TEAD4: variants seen among roughly 807,000 people sequenced by gnomAD.
TEAD4 encodes the protein transcriptional enhancer factor TEF-3.
A neutral mutation model predicts 52.4 loss-of-function variants in TEAD4; 36 were observed. That is an observed-to-expected ratio of 0.69 (90% CI 0.53 to 0.91). The LOEUF is 0.91. Among genes scored for constraint, TEAD4 ranks in the 40% least tolerant of loss-of-function variants. The pLI is 0.00. For synonymous variants in TEAD4, 220 were observed against 231.0 expected (o/e 0.95, Z 0.43); for missense variants, 508 against 583.9 (o/e 0.87, Z 1.34).
intron 2 of TEAD4, among the ~76,000 whole-genome samples, chr12:2,963,025 A>G (rs571717155): frequency 6.6e-6 from 1 of 152,278 alleles, no homozygotes. Context: ...GGAGGCAGAA[A>G]TACTCTGCTC....
chr12:2,965,810 C>T (rs570034050), intron 2 of TEAD4, among the ~76,000 whole-genome samples: 1 of 152,268 alleles, frequency 6.6e-6, no homozygotes, highest in East Asian at 1.9e-4. Context: ...TCCCAAAGTG[C>T]TGGGATTACA....
At position 3,040,162 on chromosome 12, in the gene TEAD4, C is replaced by A. The variant is rs1396026469; in HGVS notation, c.1094C>A (p.Pro365Gln). Residue 365 changes from proline (P) to glutamine (Q), a missense_variant, in exon 12 of 13, where the codon CCG becomes CAG. Pro to Gln is a moderately conservative substitution (Grantham distance 76). Transcript: ENST00000359864. Reference sequence around the variant, plus strand: ...TACTCTTACCGCATCCACCGGTCCCCGCTCTGTGAGTACATGATCAACTTC... The same window carrying A: ...TACTCTTACCGCATCCACCGGTCCCAGCTCTGTGAGTACATGATCAACTTC... 6.2e-7 allele frequency: 1 copy of A among 1,614,100 alleles called. No individual in the cohort carries two copies. The highest frequency in any genetic ancestry group is 1.3e-5 in the African/African-American group (1 of 74,934).
At chr12:2,968,178 C>T (rs1319647171) in intron 2 of TEAD4, among the ~76,000 whole-genome samples, 2 of 147,462 alleles carry the variant, frequency 1.4e-5, no homozygotes, top group African/African-American at 4.9e-5. Context: ...CCTCCACCTT[C>T]CGGGTTCAAG....
At chr12:3,003,338 G>A (rs558327871) in intron 3 of TEAD4, among the ~76,000 whole-genome samples, 1 of 152,272 alleles carries the variant, frequency 6.6e-6, no homozygotes, top group African/African-American at 2.4e-5. Context: ...TCTGCTGAGT[G>A]GTGCGTGCTT....
chr12:3,018,628 G>A (rs2098266360), intron 7 of TEAD4, 40 bp downstream of exon 7: 1 of 1,613,612 alleles, frequency 6.2e-7, no homozygotes, highest in Admixed American at 1.7e-5. Context: ...GTTGCTCCCT[G>A]AACTGAACTT....
At chr12:3,018,689 C>T (rs551510138) in intron 7 of TEAD4, 101 bp downstream of exon 7, 58 of 1,497,576 alleles carry the variant, frequency 3.9e-5, no homozygotes, top group Middle Eastern at 1.7e-4. Flanking sequence ...GTGCTGGGGC[C>T]GCTGCTGGGG....
At chr12:2,977,734 C>T (rs2098230906) in intron 2 of TEAD4, among the ~76,000 whole-genome samples, 1 of 152,162 alleles carries the variant, frequency 6.6e-6, no homozygotes, top group Admixed American at 6.5e-5. Flanking sequence ...TTTAACATGT[C>T]CCGGACTTCA....
chr12:3,002,116 A>G (rs988163175), intron 3 of TEAD4, among the ~76,000 whole-genome samples: 1 of 152,172 alleles, frequency 6.6e-6, no homozygotes, highest in Non-Finnish European at 1.5e-5. Flanking sequence ...GTAATCATAC[A>G]TATTTCCCCT....
At chr12:2,992,138 C>T (rs2098243641) in intron 2 of TEAD4, among the ~76,000 whole-genome samples, 1 of 151,436 alleles carries the variant, frequency 6.6e-6, no homozygotes, top group African/African-American at 2.4e-5. Flanking sequence ...CTGGCCTCAG[C>T]CTCCTGAGTA....
chr12:3,000,034 GC>G (rs1366188093), intron 3 of TEAD4, among the ~76,000 whole-genome samples: 1 of 152,124 alleles, frequency 6.6e-6, no homozygotes, highest in Admixed American at 6.5e-5. Flanking sequence ...CCTATTAGCA[GC>G]CCGTCAGTTC....
rs138906292 is a variant in TEAD4, at chr12:2,986,277, C to T, written c.-29-8461C>T. 3.7e-3 allele frequency among the ~76,000 whole-genome samples: 562 copies of T among 152,044 alleles called. 4 individuals carry two copies. Among genetic ancestry groups the T allele is most frequent in the African/African-American group, 0.012 (514 of 41,502 alleles). The stretch of plus-strand genomic sequence containing the variant: ...ACAGTGTCTTTTTCTGGAATGCCTC[C>T]CGAAGGGCCTGCCTGAGGCTGTTTT... On this transcript the variant is annotated intron_variant, in intron 2 of 12. Coordinates refer to ENST00000359864, the MANE Select transcript of TEAD4 (RefSeq NM_003213.4).
At chr12:3,007,259 C>T (rs1047289508) in intron 3 of TEAD4, among the ~76,000 whole-genome samples, 1 of 152,172 alleles carries the variant, frequency 6.6e-6, no homozygotes, top group Non-Finnish European at 1.5e-5. Flanking sequence ...GGGGCCAAGG[C>T]CTCCCTACTG....
intron 4 of TEAD4, 42 bp from the exon 5 acceptor site, chr12:3,012,127 GT>G (rs1565542167): frequency 1.2e-6 from 2 of 1,608,552 alleles, no homozygotes; most frequent in Admixed American, 3.3e-5. Context: ...GGGAACACAG[GT>G]TGTTGGGAGG....
intron 3 of TEAD4, among the ~76,000 whole-genome samples, chr12:2,999,297 C>T (rs556264169): frequency 1.1e-4 from 16 of 152,290 alleles, no homozygotes; most frequent in African/African-American, 3.1e-4. Flanking sequence ...TTTTCTCCCC[C>T]CTCACTTCCC....
intron 2 of TEAD4, among the ~76,000 whole-genome samples, chr12:2,968,177 T>C (rs2098222017): frequency 1.4e-5 from 2 of 143,602 alleles, no homozygotes; most frequent in Non-Finnish European, 3.0e-5. Flanking sequence ...GCCTCCACCT[T>C]CCGGGTTCAA....
chr12:3,002,392 T>G (rs1361453455), intron 3 of TEAD4, among the ~76,000 whole-genome samples: 3 of 152,248 alleles, frequency 2.0e-5, no homozygotes, highest in African/African-American at 7.2e-5. Context: ...CTAGCTCATG[T>G]GGTAATTTTA....
chr12:2,992,170 C>T (rs936419444), intron 2 of TEAD4, among the ~76,000 whole-genome samples: 1 of 152,066 alleles, frequency 6.6e-6, no homozygotes, highest in Non-Finnish European at 1.5e-5. Flanking sequence ...AGGCACCCGC[C>T]ACCATGCCCG....
chr12:3,029,323 C>T (rs376306768), intron 10 of TEAD4, among the ~76,000 whole-genome samples: 3 of 150,892 alleles, frequency 2.0e-5, no homozygotes, highest in African/African-American at 4.9e-5. Flanking sequence ...CTGCAAGCTC[C>T]GCCTCCCGGG....
intron 10 of TEAD4, among the ~76,000 whole-genome samples, chr12:3,028,887 TC>T (rs2098273704): frequency 6.6e-6 from 1 of 152,146 alleles, no homozygotes; most frequent in Admixed American, 6.6e-5. Context: ...TGCCTCAACC[TC>T]CCAAAGTGCT....
Sources: gnomAD v4.1 joint callset for allele counts (sites outside exome capture counted in the v4.1 genomes callset) on GRCh38, gnomAD v4.1.1 for gene constraint, MANE v1.5 for transcripts, NCBI Gene and HGNC (gene_info 2026-07-23, HGNC 2026-07-21) for gene names.